TNRC18: variants seen among roughly 807,000 people sequenced by gnomAD.
TNRC18 encodes the protein trinucleotide repeat containing 18.
Under a neutral mutation model 226.7 loss-of-function variants are expected in TNRC18, and 69 were observed. That is an observed-to-expected ratio of 0.30 (90% CI 0.25 to 0.37). The LOEUF is 0.37. TNRC18 is among the 10% of genes least tolerant of loss of function. The pLI, the probability that TNRC18 is intolerant of heterozygous loss-of-function variation, is 1.00. For missense variants in TNRC18, 4,754 were observed against 4,256.6 expected, an observed-to-expected ratio of 1.12 and a Z score of -3.25; for synonymous variants, 2,449 against 1,927.6, an observed-to-expected ratio of 1.27 and a Z score of -7.09.
chr7:5,392,744 A>G (rs1370221407), intron 3 of TNRC18, among the ~76,000 whole-genome samples: 1 of 152,212 alleles, frequency 6.6e-6, no homozygotes, highest in Non-Finnish European at 1.5e-5. Flanking sequence ...ACAGTGGCTC[A>G]TGCCTGTAAT....
In TNRC18 at chr7:5,361,471, G is replaced by C. The variant is rs1038716220; in HGVS notation, c.4661+123C>G. 3 of 1,216,782 alleles carry C rather than the reference G, an allele frequency of 2.5e-6. No individual in the cohort carries two copies. In the East Asian group the frequency reaches 8.7e-5, roughly 35 times the overall value. 75.4% of individuals were successfully genotyped at this position (1,216,782 alleles called of 1,614,324 possible). On this transcript the variant is annotated intron_variant, in intron 14 of 29. Transcript: ENST00000430969. ...CGTGCTCCCCGAGGGCCACTGCTGCGGGTAGGTCAGAGCCCGAGGGACGCG... is the reference window on the plus strand; with the variant it reads ...CGTGCTCCCCGAGGGCCACTGCTGCCGGTAGGTCAGAGCCCGAGGGACGCG...
intron 12 of TNRC18, among the ~76,000 whole-genome samples, 183 bp from the exon 13 acceptor site, chr7:5,362,216 C>T (rs941360248): frequency 6.6e-6 from 1 of 152,198 alleles, no homozygotes; most frequent in Non-Finnish European, 1.5e-5. Context: ...CCTGTGCTGG[C>T]TCTGCGGGGC....
Position 5,313,445 on chromosome 7 carries a change from C to A in TNRC18, c.7446G>T (p.Leu2482=), listed in dbSNP as rs1368309131. 6.2e-7 allele frequency: 1 copy of A among 1,611,860 alleles called. No individual in the cohort carries two copies. The highest frequency in any genetic ancestry group is 8.5e-7 in the Non-Finnish European group (1 of 1,179,230). Residue 2482 remains leucine, a synonymous_variant, in exon 27 of 30, where the codon CTG becomes CTT. Coordinates refer to ENST00000430969, the MANE Select transcript of TNRC18 (RefSeq NM_001080495.3). ...CCCCCGCCCCCGGATCCTCCCGGAG[C>A]AGCAGGGCCTCTTTAGCCTTCTTGC... The part of the protein sequence containing the change: ...PKSKKAKEAL[L]LREDPGAGGW...
intron 5 of TNRC18, among the ~76,000 whole-genome samples, chr7:5,382,000 A>G (rs1779429522): frequency 6.6e-6 from 1 of 152,122 alleles, no homozygotes; most frequent in South Asian, 2.1e-4. Flanking sequence ...ATAAAAATAA[A>G]AAATAAAATA....
At chr7:5,316,591 T>A (rs1021426763) in intron 24 of TNRC18, among the ~76,000 whole-genome samples, 1 of 152,096 alleles carries the variant, frequency 6.6e-6, no homozygotes, top group African/African-American at 2.4e-5. Flanking sequence ...GGTCTCCCAT[T>A]TCTAGCTGAC....
chr7:5,367,449 T>G (rs1793725161), intron 11 of TNRC18, among the ~76,000 whole-genome samples: 1 of 151,010 alleles, frequency 6.6e-6, no homozygotes, highest in East Asian at 2.0e-4. Flanking sequence ...TTTTTTGAGA[T>G]GGAGTTCCAC....
intron 2 of TNRC18, among the ~76,000 whole-genome samples, chr7:5,396,301 T>A (rs1780684998): frequency 6.6e-6 from 1 of 151,726 alleles, no homozygotes; most frequent in Admixed American, 6.6e-5. Context: ...TGAGCTGAGA[T>A]CGTGCCACTG....
intron 2 of TNRC18, among the ~76,000 whole-genome samples, chr7:5,395,331 C>G (rs899982015): frequency 6.6e-6 from 1 of 152,198 alleles, no homozygotes; most frequent in African/African-American, 2.4e-5. Context: ...CTCCAGACAG[C>G]AGGCCCCACC....
intron 24 of TNRC18, among the ~76,000 whole-genome samples, chr7:5,317,137 C>T (rs902495979): frequency 2.0e-5 from 3 of 152,144 alleles, no homozygotes; most frequent in Admixed American, 1.3e-4. Context: ...CCTGCCCACC[C>T]GCTATGACAA....
chr7:5,403,681 A>G (rs1373389756), intron 2 of TNRC18, among the ~76,000 whole-genome samples: 1 of 151,992 alleles, frequency 6.6e-6, no homozygotes, highest in South Asian at 2.1e-4. Flanking sequence ...AGTCCCAGCT[A>G]CGTGGGAGGT....
rs1286242869 is a variant in TNRC18, at chr7:5,371,111, C to T, written c.3483G>A (p.Glu1161=). ...TGGGGCCCTCGTCCATGTCCTCCACCTCTGCCTTCACCTCCCGCTCAGCCA... is the reference window on the plus strand; with the variant it reads ...TGGGGCCCTCGTCCATGTCCTCCACTTCTGCCTTCACCTCCCGCTCAGCCA... ...EPLAEREVKA[E]VEDMDEGPTE... Residue 1161 remains glutamate, a synonymous_variant, in exon 11 of 30, where the codon GAG becomes GAA. Transcript: ENST00000430969. The T allele has an allele frequency of 1.2e-6, 2 of 1,612,496 alleles. No homozygotes were observed. Among genetic ancestry groups the T allele is most frequent in the Non-Finnish European group, 8.5e-7 (1 of 1,179,586 alleles).
chr7:5,309,424 C>T lies in TNRC18; in HGVS notation c.8389-56G>A, dbSNP rs151300673. The stretch of plus-strand genomic sequence containing the variant: ...CCTGGCCCAGCCCCAAGGAGCCCGC[C>T]GCCTGGCAGGCTCTGCCGCTTGGGA... On this transcript the variant is annotated intron_variant, in intron 27 of 29. Coordinates refer to ENST00000430969, the MANE Select transcript of TNRC18 (RefSeq NM_001080495.3). This position sits in a 1 kb window ranked among gnomAD's most constrained non-coding sequence, Gnocchi z 5.7. 797 of 1,499,934 alleles carry T rather than the reference C, an allele frequency of 5.3e-4. 10 individuals are homozygous for T. The East Asian group carries it at 0.019, about 35-fold the overall frequency. 92.9% of individuals were successfully genotyped at this position (1,499,934 alleles called of 1,614,324 possible).
intron 5 of TNRC18, among the ~76,000 whole-genome samples, chr7:5,384,226 C>T (rs931310435): frequency 5.9e-5 from 9 of 152,262 alleles, no homozygotes; most frequent in African/African-American, 1.9e-4. Flanking sequence ...CCTCGGTCTC[C>T]CAAAGTGCTG....
At chr7:5,369,332 G>A (rs1378887941) in intron 11 of TNRC18, among the ~76,000 whole-genome samples, 1 of 152,170 alleles carries the variant, frequency 6.6e-6, no homozygotes, top group African/African-American at 2.4e-5. Context: ...CTGGGTGATA[G>A]AGGGAGACTA....
chr7:5,404,514 C>T (rs1781333550), intron 2 of TNRC18, among the ~76,000 whole-genome samples: 1 of 152,078 alleles, frequency 6.6e-6, no homozygotes, highest in Non-Finnish European at 1.5e-5. Context: ...CAAATTTTTG[C>T]TTCTAGTTGT....
At chr7:5,404,173 C>T (rs1781307113) in intron 2 of TNRC18, among the ~76,000 whole-genome samples, 1 of 152,182 alleles carries the variant, frequency 6.6e-6, no homozygotes, top group Non-Finnish European at 1.5e-5. Context: ...GAGTTCAAGG[C>T]CAGCTTGGCC....
chr7:5,357,328 T>C lies in TNRC18; in HGVS notation c.4834-52A>G, dbSNP rs1225996884. The C allele has an allele frequency of 8.5e-6, 13 of 1,529,516 alleles. No homozygotes were observed. The East Asian group carries it at 2.6e-4, about 30-fold the overall frequency. The allele number at this position is 1,529,516 out of a possible 1,614,324, so 94.7% of individuals were successfully genotyped here. A position where few individuals can be genotyped will look rare whatever the true frequency, so the allele number is the denominator to read the frequency against. The stretch of plus-strand genomic sequence containing the variant: ...TAAAAGATCTGACAAAACAGTATAG[T>C]GGGTTTCAGTGCACATGCTCTGCCC... On this transcript the variant is annotated intron_variant, in intron 15 of 29. Transcript: ENST00000430969.
chr7:5,413,162 C>G (rs1781948743), intron 2 of TNRC18, among the ~76,000 whole-genome samples: 1 of 152,150 alleles, frequency 6.6e-6, no homozygotes, highest in South Asian at 2.1e-4. Context: ...AAAGCCGGGG[C>G]AAGGGTCTGG....
Position 5,309,652 on chromosome 7 carries a change from G to T in TNRC18, c.8389-284C>A, listed in dbSNP as rs1786984929. Among the ~76,000 whole-genome samples the T allele has an allele frequency of 6.6e-6, 1 of 152,240 alleles. No homozygotes were observed. The highest frequency in any genetic ancestry group is 1.9e-4 in the East Asian group (1 of 5,200). ...GGGTCTCCCTCTGTTGCCCAGGCTG[G>T]AGCGCAGTGGCGCCATCATGACTCA... On this transcript the variant is annotated intron_variant, in intron 27 of 29. Transcript: ENST00000430969. The surrounding 1 kb of genome is among the most constrained non-coding windows in gnomAD (Gnocchi z 5.7).
Sources: gnomAD v4.1 joint callset for allele counts (sites outside exome capture counted in the v4.1 genomes callset) on GRCh38, gnomAD v4.1.1 for gene constraint, Gnocchi (gnomAD v3.1) non-coding constraint, MANE v1.5 for transcripts, NCBI Gene and HGNC (gene_info 2026-07-23, HGNC 2026-07-21) for gene names.